Variants in ALKBH1 observed in about 807,000 individuals in gnomAD.
ALKBH1 encodes the protein alkB homolog 1, histone H2A dioxygenase.
Under a neutral mutation model 36.6 loss-of-function variants are expected in ALKBH1, and 31 were observed. The ratio of observed to expected loss-of-function variants is 0.85; its 90% confidence interval spans 0.64 to 1.14. The LOEUF (loss-of-function observed/expected upper bound fraction) is 1.14, where lower values mean the gene tolerates loss of function less well. Ranked by LOEUF, ALKBH1 falls within the 50% of genes most tolerant of loss-of-function variation. The probability of loss-of-function intolerance (pLI) is 0.00; values close to 1 mark genes in which losing one functional copy is unlikely to be tolerated. For missense variants in ALKBH1, 490 were observed against 497.3 expected (o/e 0.99, Z 0.14); for synonymous variants, 183 against 186.6 (o/e 0.98, Z 0.16).
At chr14:77,686,000 T>C (rs1348625860) in intron 3 of ALKBH1, among the ~76,000 whole-genome samples, 2 of 152,178 alleles carry the variant, frequency 1.3e-5, no homozygotes, top group African/African-American at 4.8e-5. Flanking sequence ...TTTTATATTC[T>C]CTTCTGAAAA....
intron 3 of ALKBH1, among the ~76,000 whole-genome samples, chr14:77,692,752 T>C (rs1450829159): frequency 6.6e-6 from 1 of 152,122 alleles, no homozygotes; most frequent in East Asian, 1.9e-4. Context: ...TAAGTGACCA[T>C]TCCCATTATA....
intron 2 of ALKBH1, among the ~76,000 whole-genome samples, chr14:77,702,818 A>C (rs2080366710): frequency 6.6e-6 from 1 of 151,878 alleles, no homozygotes. Flanking sequence ...TCTCCTGAGT[A>C]GCTGAGACTA....
At chr14:77,679,124 A>AT (rs1491523015) in intron 4 of ALKBH1, among the ~76,000 whole-genome samples, 1 of 152,090 alleles carries the variant, frequency 6.6e-6, no homozygotes, top group African/African-American at 2.4e-5. Flanking sequence ...ATCGGTATCC[A>AT]TATGTTGAAA....
At chr14:77,691,511 T>C (rs1481308308) in intron 3 of ALKBH1, among the ~76,000 whole-genome samples, 2 of 152,166 alleles carry the variant, frequency 1.3e-5, no homozygotes, top group Non-Finnish European at 1.5e-5. Flanking sequence ...TTCAATTACC[T>C]TGAATGGCTT....
At chr14:77,688,245 T>A (rs1191819051) in intron 3 of ALKBH1, among the ~76,000 whole-genome samples, 3 of 8,242 alleles carry the variant, frequency 3.6e-4, no homozygotes, top group Admixed American at 2.7e-3. Flanking sequence ...TAAACTAAAT[T>A]TTTTTTTTTT....
intron 3 of ALKBH1, among the ~76,000 whole-genome samples, chr14:77,693,050 T>C (rs1448403024): frequency 2.6e-5 from 4 of 151,510 alleles, no homozygotes; most frequent in African/African-American, 9.7e-5. Context: ...CTACTAAAAA[T>C]ACAAAATTAG....
rs564386802 is a variant in ALKBH1 at position 77,673,712 on chromosome 14, T to A, written c.*100A>T. 3 of 1,252,434 alleles carry A rather than the reference T, an allele frequency of 2.4e-6. No homozygotes were observed. Among genetic ancestry groups the A allele is most frequent in the Non-Finnish European group, 3.4e-6 (3 of 894,456 alleles). The allele number at this position is 1,252,434 out of a possible 1,614,324, so 77.6% of individuals were successfully genotyped here. A position where few individuals can be genotyped will look rare whatever the true frequency, so the allele number is the denominator to read the frequency against. On this transcript the variant is annotated 3_prime_UTR_variant, in exon 6 of 6. Transcript: ENST00000216489. ...AACAATGAGTTCTTCCCTGTCTCTG[T>A]TTTTGGCTTGTCTGGGTGCTGAAGT...
At chr14:77,681,625 A>G (rs1424885489) in intron 3 of ALKBH1, among the ~76,000 whole-genome samples, 1 of 152,236 alleles carries the variant, frequency 6.6e-6, no homozygotes, top group Admixed American at 6.5e-5. Flanking sequence ...GAAGAGACAT[A>G]GCAGACTTGA....
chr14:77,681,819 A>C (rs2080239678), intron 3 of ALKBH1, among the ~76,000 whole-genome samples: 1 of 152,360 alleles, frequency 6.6e-6, no homozygotes, highest in South Asian at 2.1e-4. Context: ...ACAAGCTCCT[A>C]GTAAAAACCT....
intron 2 of ALKBH1, among the ~76,000 whole-genome samples, chr14:77,701,914 C>T (rs2080361395): frequency 6.6e-6 from 1 of 152,194 alleles, no homozygotes; most frequent in Non-Finnish European, 1.5e-5. Flanking sequence ...GCAGTTTAGA[C>T]AATTTAAAAC....
intron 3 of ALKBH1, among the ~76,000 whole-genome samples, chr14:77,681,351 G>C (rs1174199651): frequency 6.6e-6 from 1 of 152,148 alleles, no homozygotes; most frequent in Non-Finnish European, 1.5e-5. Flanking sequence ...AGTTGAGCAC[G>C]GCACTGAAGA....
In ALKBH1 at chr14:77,707,983, C is replaced by A. The variant is rs1035677588; in HGVS notation, c.22G>T (p.Val8Leu). The A allele has an allele frequency of 9.3e-6, 15 of 1,610,840 alleles. No individual in the cohort carries two copies. Among genetic ancestry groups the A allele is most frequent in the African/African-American group, 1.3e-5 (1 of 74,860 alleles). ...GTCGCCAGAGTCGCCACAGAGCCCA[C>A]GGCCGCTGCCATCTTCCCCATCTCG... MGKMAAAVGSVATLATEP... is the reference protein window; with the variant it reads MGKMAAALGSVATLATEP... The change falls in exon 1 of 6, where the codon GTG becomes TTG. Residue 8 changes from valine to leucine, a missense_variant. Val to Leu is a conservative substitution (Grantham distance 32). Transcript: ENST00000216489.
intron 2 of ALKBH1, among the ~76,000 whole-genome samples, chr14:77,698,132 T>C (rs1025404024): frequency 9.2e-5 from 14 of 152,206 alleles, no homozygotes; most frequent in African/African-American, 3.1e-4. Flanking sequence ...AGCTTAGGCA[T>C]AGTCACAGAA....
intron 1 of ALKBH1, among the ~76,000 whole-genome samples, chr14:77,705,197 G>A (rs1566818810): frequency 6.6e-6 from 1 of 152,034 alleles, no homozygotes; most frequent in Non-Finnish European, 1.5e-5. Flanking sequence ...GGCGGATCAC[G>A]AGGTCAGGAG....
intron 3 of ALKBH1, among the ~76,000 whole-genome samples, chr14:77,684,221 T>G (rs1023695445): frequency 6.6e-6 from 1 of 152,222 alleles, no homozygotes; most frequent in Admixed American, 6.5e-5. Context: ...GCCTAAGAAC[T>G]GCATTTCTAG....
chr14:77,680,631 T>C (rs2080231650), intron 3 of ALKBH1, among the ~76,000 whole-genome samples: 1 of 151,934 alleles, frequency 6.6e-6, no homozygotes, highest in African/African-American at 2.4e-5. Flanking sequence ...GACGTGCTCT[T>C]TCTGCAATTA....
In ALKBH1 at chr14:77,673,115, C is replaced by T. The variant is rs1305817062; in HGVS notation, c.*697G>A. 1 of 152,014 alleles carries T rather than the reference C, an allele frequency of 6.6e-6. No individual in the cohort carries two copies. The highest frequency in any genetic ancestry group is 1.5e-5 in the Non-Finnish European group (1 of 67,996). 9.4% of individuals were successfully genotyped at this position (152,014 alleles called of 1,614,324 possible). A position where few individuals can be genotyped will look rare whatever the true frequency, so the allele number is the denominator to read the frequency against. ...AAACACCCTTGGGACTTTTTTATTC[C>T]AACAATTAAAATTGCATTAAAAAGC... On this transcript the variant is annotated 3_prime_UTR_variant, in exon 6 of 6. Transcript: ENST00000216489.
intron 3 of ALKBH1, among the ~76,000 whole-genome samples, chr14:77,686,237 C>T (rs954826788): frequency 2.0e-5 from 3 of 152,110 alleles, no homozygotes; most frequent in South Asian, 4.1e-4. Context: ...AACATGCTTC[C>T]GGATCATTTT....
At chr14:77,685,220 A>C (rs1192822135) in intron 3 of ALKBH1, among the ~76,000 whole-genome samples, 1 of 152,058 alleles carries the variant, frequency 6.6e-6, no homozygotes, top group East Asian at 1.9e-4. Flanking sequence ...AGATGGGCGG[A>C]TCTCTTAAGG....
Sources: allele counts gnomAD v4.1 joint callset (sites outside exome capture counted in the v4.1 genomes callset), GRCh38; gene constraint gnomAD v4.1.1; transcripts MANE v1.5; gene names NCBI Gene and HGNC (gene_info 2026-07-23, HGNC 2026-07-21).